The following ZNF335 variants were observed in gnomAD, a reference collection of about 807,000 sequenced individuals.
ZNF335 encodes the protein NRC-interacting factor 1.
ZNF335 carries 84 observed loss-of-function variants against 145.6 expected under a neutral mutation model. That is an observed-to-expected ratio of 0.58 (90% CI 0.48 to 0.69). The LOEUF (loss-of-function observed/expected upper bound fraction) is 0.69. Among genes scored for constraint, ZNF335 ranks in the 30% least tolerant of loss-of-function variants. The probability of loss-of-function intolerance (pLI) is 0.00; values close to 1 mark genes in which losing one functional copy is unlikely to be tolerated. For missense variants in ZNF335, 1,865 were observed against 1,809.7 expected (o/e 1.03, Z -0.55); for synonymous variants, 761 against 717.0 (o/e 1.06, Z -0.98).
At chr20:45,958,053 TTC>T in intron 15 of ZNF335, 125 bp from the exon 16 acceptor site, 1 of 727,818 alleles carries the variant, frequency 1.4e-6, no homozygotes, top group Non-Finnish European at 2.3e-6. Context: ...ATAACCACTT[TTC>T]TTTTTTTTTT....
chr20:45,971,353 C>A lies in ZNF335; in HGVS notation c.58G>T (p.Glu20Ter). The A allele has an allele frequency of 6.2e-7, 1 of 1,600,140 alleles. No individual in the cohort carries two copies. The highest frequency in any genetic ancestry group is 8.5e-7 in the Non-Finnish European group (1 of 1,179,556). ...SDAAPGPGRP[E>*]EPSESGLGVG... ...CCCAGGCCGCTCTCAGAGGGCTCCTCGGGCCGGCCAGGCCCAGGGGCCGCG... is the reference window on the plus strand; with the variant it reads ...CCCAGGCCGCTCTCAGAGGGCTCCTAGGGCCGGCCAGGCCCAGGGGCCGCG... Residue 20 changes from glutamate to a stop codon, truncating the protein, a stop_gained, in exon 2 of 28, where the codon GAG becomes TAG. Coordinates refer to ENST00000322927, the MANE Select transcript of ZNF335 (RefSeq NM_022095.4). LOFTEE classifies it high-confidence loss of function.
At chr20:45,949,902 C>T in intron 23 of ZNF335, 25 bp from the exon 24 acceptor site, 1 of 1,614,108 alleles carries the variant, frequency 6.2e-7, no homozygotes, top group Non-Finnish European at 8.5e-7. Flanking sequence ...ACAGCTCTAG[C>T]CTCATTTCTC....
chr20:45,968,242 T>C (rs1021375355), intron 4 of ZNF335, 43 bp downstream of exon 4: 1 of 1,594,658 alleles, frequency 6.3e-7, no homozygotes, highest in Non-Finnish European at 8.6e-7. Flanking sequence ...CCTATCCCCC[T>C]GCCCACTGCA....
chr20:45,963,872 G>A lies in ZNF335; in HGVS notation c.1221C>T (p.Ser407=). 1 of 1,608,556 alleles carries A rather than the reference G, an allele frequency of 6.2e-7. No individual in the cohort carries two copies. The highest frequency in any genetic ancestry group is 8.5e-7 in the Non-Finnish European group (1 of 1,176,550). The change falls in exon 8 of 28, where the codon AGC becomes AGT. Residue 407 remains serine, a synonymous_variant. Coordinates refer to ENST00000322927, the MANE Select transcript of ZNF335 (RefSeq NM_022095.4). ...TCACACCAGCTTCCACAGGGGTCCT[G>A]CTCACCTTGCCCATGGCCACCAGGT... The part of the protein sequence containing the change: ...PGHLVAMGKV[S]RTPVEAGVSQ...
chr20:45,971,883 T>G, intron 1 of ZNF335: 2 of 985,314 alleles, frequency 2.0e-6, no homozygotes, highest in Non-Finnish European at 2.4e-6. Context: ...AGCGACGGTC[T>G]CGGGGCCTGG....
At position 45,960,310 on chromosome 20, in the gene ZNF335, G is replaced by C; in HGVS notation, c.1918C>G (p.Gln640Glu). Residue 640 changes from glutamine (Q) to glutamate (E), a missense_variant, in exon 14 of 28, where the codon CAG becomes GAG. Coordinates refer to ENST00000322927, the MANE Select transcript of ZNF335 (RefSeq NM_022095.4). Reference protein sequence around the residue: ...CEDKKALLNHQLSHVSDKPFK... With the variant: ...CEDKKALLNHELSHVSDKPFK... ...GGCTTGTCACTGACGTGGGACAACT[G>C]GTGGTTCAGCAGTGCCTTCTTGTCT... 1 of 1,614,184 alleles carries C rather than the reference G, an allele frequency of 6.2e-7. No homozygotes were observed. Among genetic ancestry groups the C allele is most frequent in the Non-Finnish European group, 8.5e-7 (1 of 1,180,018 alleles).
Position 45,953,870 on chromosome 20 carries a change from G to T in ZNF335, c.2521C>A (p.Pro841Thr). The T allele has an allele frequency of 1.2e-6, 2 of 1,613,908 alleles. No homozygotes were observed. Among genetic ancestry groups the T allele is most frequent in the East Asian group, 4.5e-5 (2 of 44,888 alleles). Residue 841 changes from proline to threonine, a missense_variant, in exon 18 of 28, where the codon CCA becomes ACA. Coordinates refer to ENST00000322927, the MANE Select transcript of ZNF335 (RefSeq NM_022095.4). Reference sequence around the variant, plus strand: ...GCCACGTGGAGGGTGACCACCTGTGGAGTGGCACCTTCAGGGGAGGGCTGC... The same window carrying T: ...GCCACGTGGAGGGTGACCACCTGTGTAGTGGCACCTTCAGGGGAGGGCTGC... ...GGQPSPEGAT[P>T]QVVTLHVAEP...
chr20:45,963,597 C>A lies in ZNF335; in HGVS notation c.1409G>T (p.Cys470Phe). The part of the protein sequence containing the change: ...PLLRPFLCRI[C>F]GSRFLSHEDL... Reference sequence around the variant, plus strand: ...CTCGTGGGACAGAAAGCGAGAACCACAGATGCGGCACAGGAAGGGCCTCAA... The same window carrying A: ...CTCGTGGGACAGAAAGCGAGAACCAAAGATGCGGCACAGGAAGGGCCTCAA... Residue 470 changes from cysteine (C) to phenylalanine (F), a missense_variant, in exon 9 of 28, where the codon TGT becomes TTT. Transcript: ENST00000322927. The A allele has an allele frequency of 1.2e-6, 2 of 1,614,250 alleles. No individual in the cohort carries two copies. The highest frequency in any genetic ancestry group is 1.7e-6 in the Non-Finnish European group (2 of 1,180,050).
intron 16 of ZNF335, 66 bp downstream of exon 16, chr20:45,957,769 C>T (rs1279733044): frequency 1.1e-5 from 17 of 1,603,532 alleles, no homozygotes; most frequent in African/African-American, 6.7e-5. Flanking sequence ...CCCACCAGCA[C>T]GACCTGCCCC....
Position 45,957,902 on chromosome 20 carries a change from C to T in ZNF335, c.2280G>A (p.Gln760=), listed in dbSNP as rs148186790. 267 of 1,614,076 alleles carry T rather than the reference C, an allele frequency of 1.7e-4. No homozygotes were observed. In the African/African-American group the frequency reaches 3.2e-3, roughly 19 times the overall value. The part of the protein sequence containing the change: ...PEIPPEATTF[Q]SSEAPSLLCS... Reference sequence around the variant, plus strand: ...AGAGCAATGAGGGAGCCTCAGATGACTGGAAAGTTGTCGCCTCTGGGGGTA... The same window carrying T: ...AGAGCAATGAGGGAGCCTCAGATGATTGGAAAGTTGTCGCCTCTGGGGGTA... Residue 760 remains glutamine, a synonymous_variant, in exon 16 of 28, where the codon CAG becomes CAA. Coordinates refer to ENST00000322927, the MANE Select transcript of ZNF335 (RefSeq NM_022095.4).
In ZNF335 at chr20:45,963,627, G is replaced by A. The variant is rs1195496022; in HGVS notation, c.1379C>T (p.Pro460Leu). ...GCGGCACAGGAAGGGCCTCAAAAGTGGTTTGGGCGACTTGTAATAGTACCT... is the reference window on the plus strand; with the variant it reads ...GCGGCACAGGAAGGGCCTCAAAAGTAGTTTGGGCGACTTGTAATAGTACCT... ...YRKYYYKSPK[P>L]LLRPFLCRIC... is the part of the protein sequence containing the mutation. Residue 460 changes from proline to leucine, a missense_variant, in exon 9 of 28, where the codon CCA becomes CTA. Physicochemically the swap from Pro to Leu is moderately conservative, Grantham distance 98. Transcript: ENST00000322927. 5.0e-6 allele frequency: 8 copies of A among 1,614,240 alleles called. No homozygotes were observed. The highest frequency in any genetic ancestry group is 6.8e-6 in the Non-Finnish European group (8 of 1,180,042).
At position 45,953,900 on chromosome 20, in the gene ZNF335, C is replaced by G; in HGVS notation, c.2491G>C (p.Gly831Arg). The G allele has an allele frequency of 6.2e-7, 1 of 1,612,316 alleles. No homozygotes were observed. Among genetic ancestry groups the G allele is most frequent in the African/African-American group, 1.3e-5 (1 of 75,030 alleles). Reference sequence around the variant, plus strand: ...GCACCTTCAGGGGAGGGCTGCCCACCAGGGGATGCTAACCCTGCTTCCACA... The same window carrying G: ...GCACCTTCAGGGGAGGGCTGCCCACGAGGGGATGCTAACCCTGCTTCCACA... ...EDVEAGLASP[G>R]GQPSPEGATP... The change falls in exon 18 of 28, where the codon GGT becomes CGT. Residue 831 changes from glycine (G) to arginine (R), a missense_variant. Physicochemically the swap from Gly to Arg is moderately radical, Grantham distance 125. Transcript: ENST00000322927.
intron 10 of ZNF335, 40 bp from the exon 11 acceptor site, chr20:45,960,922 C>T (rs747523377): frequency 1.2e-6 from 2 of 1,611,400 alleles, no homozygotes; most frequent in South Asian, 2.2e-5. Context: ...AGAGCTTCCC[C>T]AAGCCCACTC....
chr20:45,959,471 T>C (rs771018017), intron 14 of ZNF335, 38 bp from the exon 15 acceptor site: 5 of 1,349,018 alleles, frequency 3.7e-6, no homozygotes, highest in East Asian at 2.8e-5. Flanking sequence ...AGTCTGCCCG[T>C]CCCTAGCCTA....
Position 45,965,665 on chromosome 20 carries a change from CCGGGGCCGGCCAGGTCTCCTT to C in ZNF335, c.1044_1064del (p.Arg349_Arg355del). Reference sequence around the variant, plus strand: ...CTGAGATCTCCAGGCGGGGCAGCTTCCGGGGCCGGCCAGGTCTCCTTCGGGGCCTTGGGGTACTGGGGGTGG... The same window carrying C: ...CTGAGATCTCCAGGCGGGGCAGCTTCCGGGGCCTTGGGGTACTGGGGGTGG... On this transcript the variant is annotated inframe_deletion, in exon 7 of 28. Coordinates refer to ENST00000322927, the MANE Select transcript of ZNF335 (RefSeq NM_022095.4). 1 of 1,598,922 alleles carries C rather than the reference CCGGGGCCGGCCAGGTCTCCTT, an allele frequency of 6.3e-7. No individual in the cohort carries two copies.
intron 20 of ZNF335, 83 bp from the exon 21 acceptor site, chr20:45,950,678 A>G: frequency 5.7e-6 from 9 of 1,575,310 alleles, no homozygotes; most frequent in Non-Finnish European, 7.8e-6. Flanking sequence ...ACAGCTGGTC[A>G]GGGAACCAGA....
rs2083977094 is a variant in ZNF335, at chr20:45,967,509, T to C, written c.940A>G (p.Ile314Val). Residue 314 changes from isoleucine (I) to valine (V), a missense_variant, in exon 6 of 28, where the codon ATT (isoleucine) becomes GTT (valine). Ile to Val is a conservative substitution (Grantham distance 29, BLOSUM62 3). Transcript: ENST00000322927. ...DDDDIVDAGA[I>V]DDLEEDSDYN... ...GGTGGCCTACCCTCCAGGTCATCAATGGCTCCAGCGTCTACAATGTCATCA... is the reference window on the plus strand; with the variant it reads ...GGTGGCCTACCCTCCAGGTCATCAACGGCTCCAGCGTCTACAATGTCATCA... 1 of 1,614,090 alleles carries C rather than the reference T, an allele frequency of 6.2e-7. No homozygotes were observed. Among genetic ancestry groups the C allele is most frequent in the African/African-American group, 1.3e-5 (1 of 75,024 alleles).
chr20:45,961,790 C>A (rs1443203691), intron 10 of ZNF335: 4 of 373,378 alleles, frequency 1.1e-5, no homozygotes, highest in African/African-American at 8.0e-5. Flanking sequence ...TTTAGGTACA[C>A]AATTTCCTTC....
At chr20:45,959,475 T>C in intron 14 of ZNF335, 42 bp from the exon 15 acceptor site, 1 of 1,342,136 alleles carries the variant, frequency 7.5e-7, no homozygotes, top group Non-Finnish European at 9.8e-7. Flanking sequence ...TGCCCGTCCC[T>C]AGCCTACCCC....
Sources: allele counts gnomAD v4.1 joint callset, GRCh38; gene constraint gnomAD v4.1.1; transcripts MANE v1.5; gene names NCBI Gene and HGNC (gene_info 2026-07-23, HGNC 2026-07-21).